The following ARHGAP6 variants were observed in gnomAD, a reference collection of about 807,000 sequenced individuals.
The protein encoded by ARHGAP6 is Rho GTPase activating protein 6, also known as rho GTPase-activating protein 6.
A neutral mutation model predicts 55.7 loss-of-function variants in ARHGAP6; 16 were observed. The observed-to-expected ratio is 0.29, with a 90% confidence interval of 0.19 to 0.44. The LOEUF is 0.44. Ranked by LOEUF, ARHGAP6 falls within the 20% of genes least tolerant of loss-of-function variation. The pLI, the probability that ARHGAP6 is intolerant of heterozygous loss-of-function variation, is 1.00. For synonymous variants in ARHGAP6, 382 were observed against 360.9 expected, an observed-to-expected ratio of 1.06 and a Z score of -0.66; for missense variants, 698 against 808.9, an observed-to-expected ratio of 0.86 and a Z score of 1.66.
At chrX:11,576,885 C>A (rs770917087) in intron 1 of ARHGAP6, among the ~76,000 whole-genome samples, 5 of 111,578 alleles carry the variant, frequency 4.5e-5, no homozygotes, top group Non-Finnish European at 9.4e-5. Context: ...CCCCATCCCC[C>A]TTTTTTTGTC....
At chrX:11,204,993 G>T (rs750747931) in intron 2 of ARHGAP6, among the ~76,000 whole-genome samples, 32 of 111,145 alleles carry the variant, frequency 2.9e-4, no homozygotes, top group Middle Eastern at 9.2e-3. Context: ...AGTAGCAGTT[G>T]CCAATATCAT....
intron 1 of ARHGAP6, among the ~76,000 whole-genome samples, chrX:11,314,567 T>A (rs1048999833): frequency 8.9e-6 from 1 of 112,568 alleles, no homozygotes; most frequent in African/African-American, 3.2e-5. Context: ...AGGGAAAACA[T>A]TTTGCTAAGG....
chrX:11,423,242 G>A (rs1305810377), intron 1 of ARHGAP6, among the ~76,000 whole-genome samples: 5 of 112,944 alleles, frequency 4.4e-5, no homozygotes, highest in South Asian at 7.2e-4. Context: ...CTGCAACGGC[G>A]CCCAGTTCTG....
chrX:11,531,347 C>T (rs753957591), intron 1 of ARHGAP6, among the ~76,000 whole-genome samples: 13 of 111,699 alleles, frequency 1.2e-4, no homozygotes, highest in Non-Finnish European at 2.1e-4. Flanking sequence ...TAAAAAATCA[C>T]TGTATATCAC....
chrX:11,174,623 T>TTTTCTTTCTTTTC (rs2046164869), intron 8 of ARHGAP6, among the ~76,000 whole-genome samples: 1 of 46,733 alleles, frequency 2.1e-5, no homozygotes, highest in Non-Finnish European at 3.9e-5. Context: ...TTTCTCTTTC[T>TTTTCTTTCTTTTC]TTTCTTTCTT....
chrX:11,441,286 C>A (rs1297984190), intron 1 of ARHGAP6, among the ~76,000 whole-genome samples: 1 of 111,830 alleles, frequency 8.9e-6, no homozygotes, highest in Non-Finnish European at 1.9e-5. Flanking sequence ...AAAACAAGTG[C>A]AATCTACTCA....
chrX:11,356,063 C>T (rs949927262), intron 1 of ARHGAP6, among the ~76,000 whole-genome samples: 5 of 111,462 alleles, frequency 4.5e-5, no homozygotes, highest in Non-Finnish European at 7.5e-5. Context: ...TTTCACAGTC[C>T]TCATGACACC....
chrX:11,541,586 TC>T (rs1056184288), intron 1 of ARHGAP6, among the ~76,000 whole-genome samples: 2 of 112,039 alleles, frequency 1.8e-5, no homozygotes, highest in Non-Finnish European at 3.8e-5. Context: ...GCTTAATTAA[TC>T]CAGCAGTTAA....
intron 1 of ARHGAP6, among the ~76,000 whole-genome samples, chrX:11,344,625 C>G (rs1208843877): frequency 1.0e-5 from 1 of 95,279 alleles, no homozygotes; most frequent in Non-Finnish European, 2.0e-5. Context: ...TTGCAGTGAG[C>G]CGAGACTGTA....
chrX:11,553,478 A>C (rs2051291154), intron 1 of ARHGAP6, among the ~76,000 whole-genome samples: 1 of 111,607 alleles, frequency 9.0e-6, no homozygotes, highest in Non-Finnish European at 1.9e-5. Context: ...TCTGGACTCA[A>C]GCAATCTGCC....
At chrX:11,305,257 C>T (rs2048225814) in intron 1 of ARHGAP6, among the ~76,000 whole-genome samples, 2 of 111,196 alleles carry the variant, frequency 1.8e-5, no homozygotes, top group South Asian at 7.6e-4. Context: ...AGTGCTGTCC[C>T]GTGATTAAGT....
chrX:11,627,926 AACT>A (rs1191498257), intron 1 of ARHGAP6, among the ~76,000 whole-genome samples: 1 of 111,700 alleles, frequency 9.0e-6, no homozygotes, highest in African/African-American at 3.2e-5. Flanking sequence ...TTCAGAATAA[AACT>A]ACTGTTTCCA....
chrX:11,259,308 A>G (rs1233388607), intron 1 of ARHGAP6, among the ~76,000 whole-genome samples: 1 of 112,075 alleles, frequency 8.9e-6, no homozygotes, highest in African/African-American at 3.2e-5. Flanking sequence ...TGTTGTTGCA[A>G]ATGACAGGAT....
intron 1 of ARHGAP6, among the ~76,000 whole-genome samples, chrX:11,485,233 C>T: frequency 8.9e-6 from 1 of 112,181 alleles, no homozygotes; most frequent in Non-Finnish European, 1.9e-5. Context: ...CTAATGAACT[C>T]ACTTGAAAGC....
chrX:11,188,057 G>A (rs1193972650), intron 4 of ARHGAP6, among the ~76,000 whole-genome samples: 1 of 110,944 alleles, frequency 9.0e-6, no homozygotes, highest in Non-Finnish European at 1.9e-5. Flanking sequence ...AAAATAAAAT[G>A]CAGATTTGTT....
At chrX:11,275,248 A>G (rs781170226) in intron 1 of ARHGAP6, among the ~76,000 whole-genome samples, 7 of 111,843 alleles carry the variant, frequency 6.3e-5, no homozygotes, top group Admixed American at 1.9e-4. Context: ...TCTATCTTAT[A>G]TAGACAAATA....
At chrX:11,343,595 A>G (rs2048732741) in intron 1 of ARHGAP6, among the ~76,000 whole-genome samples, 1 of 111,861 alleles carries the variant, frequency 8.9e-6, no homozygotes, top group African/African-American at 3.3e-5. Flanking sequence ...TATAGTCCCT[A>G]GGAGAGAAAT....
At chrX:11,468,123 G>A (rs936240102) in intron 1 of ARHGAP6, among the ~76,000 whole-genome samples, 2 of 111,672 alleles carry the variant, frequency 1.8e-5, no homozygotes, top group Admixed American at 9.5e-5. Context: ...TTGGGCACAA[G>A]GGAGGTTTGT....
In ARHGAP6 at chrX:11,540,285, A is replaced by C. The variant is rs746940530; in HGVS notation, c.588+123956T>G. On this transcript the variant is annotated intron_variant, in intron 1 of 12. Transcript: ENST00000337414. The stretch of plus-strand genomic sequence containing the variant: ...AAAAAAGGAAAAGAAAAAAAAAAAA[A>C]AACCTCAACAAGTGCAATATTGAAA... 5.4e-5 allele frequency among the ~76,000 whole-genome samples: 6 copies of C among 110,243 alleles called. No individual in the cohort carries two copies. The South Asian group carries it at 2.4e-3, about 44-fold the overall frequency.
Sources: allele counts gnomAD v4.1 joint callset (sites outside exome capture counted in the v4.1 genomes callset), GRCh38; gene constraint gnomAD v4.1.1; transcripts MANE v1.5; gene names NCBI Gene and HGNC (gene_info 2026-07-23, HGNC 2026-07-21).